RYR2: variants seen among roughly 807,000 people sequenced by gnomAD.
RYR2 encodes ryanodine receptor 2.
A neutral mutation model predicts 601.1 loss-of-function variants in RYR2; 227 were observed. That is an observed-to-expected ratio of 0.38 (90% CI 0.34 to 0.42). The LOEUF is 0.42. Among genes scored for constraint, RYR2 ranks in the 10% least tolerant of loss-of-function variants. RYR2 has a pLI of 1.00. For missense variants in RYR2, 4,646 were observed against 6,156.5 expected, an observed-to-expected ratio of 0.75 and a Z score of 8.21; for synonymous variants, 2,223 against 2,175.1, an observed-to-expected ratio of 1.02 and a Z score of -0.61.
At chr1:237,356,710 G>T (rs1489934167) in intron 4 of RYR2, among the ~76,000 whole-genome samples, 2 of 151,798 alleles carry the variant, frequency 1.3e-5, no homozygotes, top group Non-Finnish European at 2.9e-5. Context: ...TTATCTGTTA[G>T]GAAAAAATAA....
chr1:237,082,163 A>G (rs960176487), intron 1 of RYR2, among the ~76,000 whole-genome samples: 26 of 152,114 alleles, frequency 1.7e-4, no homozygotes, highest in African/African-American at 6.3e-4. Flanking sequence ...GACAGGTCCT[A>G]TTGTAAGCAG....
At position 237,043,502 on chromosome 1, in the gene RYR2, T is replaced by C. The variant is rs72764014; in HGVS notation, c.48+933T>C. Among the ~76,000 whole-genome samples the C allele has an allele frequency of 2.2e-3, 331 of 152,280 alleles. 1 individual carries two copies. Among genetic ancestry groups the C allele is most frequent in the South Asian group, 5.4e-3 (26 of 4,814 alleles). ...CTGCTCCTTCCTTTCTCTCATTTGT[T>C]CGAACACTGCAGATACTTCCCAGGC... On this transcript the variant is annotated intron_variant, in intron 1 of 104. Coordinates refer to ENST00000366574, the MANE Select transcript of RYR2 (RefSeq NM_001035.3).
chr1:237,719,437 C>T (rs765869664), intron 73 of RYR2, among the ~76,000 whole-genome samples: 11 of 152,046 alleles, frequency 7.2e-5, no homozygotes, highest in African/African-American at 1.2e-4. Flanking sequence ...GAAAGTATAA[C>T]ACGGGCATCT....
chr1:237,769,384 A>C (rs1432316434), intron 84 of RYR2, among the ~76,000 whole-genome samples: 1 of 152,168 alleles, frequency 6.6e-6, no homozygotes, highest in Non-Finnish European at 1.5e-5. Flanking sequence ...TCAGCCAATT[A>C]TGGGAGATTC....
intron 1 of RYR2, among the ~76,000 whole-genome samples, chr1:237,173,829 G>A (rs967089297): frequency 1.4e-5 from 2 of 143,356 alleles, no homozygotes. Context: ...GGCCGAGGCG[G>A]GCAGATCACG....
intron 94 of RYR2, 22 bp from the exon 95 acceptor site, chr1:237,793,845 C>T (rs1253286380): frequency 7.0e-6 from 11 of 1,564,094 alleles, no homozygotes; most frequent in Non-Finnish European, 9.6e-6. Flanking sequence ...CTAATTTTAA[C>T]GTATTTATTT....
At chr1:237,235,632 A>G (rs182999094) in intron 1 of RYR2, among the ~76,000 whole-genome samples, 3 of 152,324 alleles carry the variant, frequency 2.0e-5, no homozygotes, top group African/African-American at 4.8e-5. Flanking sequence ...GACAATTGCA[A>G]TTGCAATACT....
At chr1:237,639,239 C>T (rs771985165) in intron 46 of RYR2, 38 bp downstream of exon 46, 1 of 1,520,308 alleles carries the variant, frequency 6.6e-7, no homozygotes, top group Non-Finnish European at 8.9e-7. Flanking sequence ...GTGATCCATA[C>T]TACTTGATGT....
chr1:237,373,276 G>A (rs1700781175), intron 6 of RYR2, among the ~76,000 whole-genome samples: 1 of 152,176 alleles, frequency 6.6e-6, no homozygotes, highest in South Asian at 2.1e-4. Context: ...ATAACCTTGG[G>A]AGCCATTTCT....
In RYR2 at chr1:237,818,238, ATC is replaced by A. The variant is rs1662058101; in HGVS notation, c.14434-796_14434-795del. On this transcript the variant is annotated intron_variant, in intron 100 of 104. Transcript: ENST00000366574. The stretch of plus-strand genomic sequence containing the variant: ...CCCAGGACATTTGGTATCTGGAGAT[ATC>A]TGTTATTGTCACTATGAGGTAGGGT... Among the ~76,000 whole-genome samples, 3 of 152,168 alleles carry A rather than the reference ATC, an allele frequency of 2.0e-5. No individual in the cohort carries two copies. The South Asian group carries it at 6.2e-4, about 32-fold the overall frequency.
intron 34 of RYR2, among the ~76,000 whole-genome samples, chr1:237,598,975 A>G (rs915993523): frequency 1.3e-5 from 2 of 152,184 alleles, no homozygotes; most frequent in African/African-American, 4.8e-5. Context: ...ACAGAAATAC[A>G]AAGGATAATG....
rs556411963 is a variant in RYR2 at position 237,683,040 on chromosome 1, A to G, written c.9017+2463A>G. ...ATACTTTCGGAAAATGATCATGATA[A>G]AATATAAAATATATGCTCAAATAGT... On this transcript the variant is annotated intron_variant, in intron 62 of 104. Transcript: ENST00000366574. Among the ~76,000 whole-genome samples, 8 of 152,332 alleles carry G rather than the reference A, an allele frequency of 5.3e-5. No individual in the cohort carries two copies. The South Asian group carries it at 1.4e-3, about 28-fold the overall frequency.
chr1:237,404,029 G>A (rs1238652384), intron 10 of RYR2, among the ~76,000 whole-genome samples: 5 of 152,310 alleles, frequency 3.3e-5, no homozygotes, highest in African/African-American at 1.2e-4. Flanking sequence ...TCAGGTGGGT[G>A]GATTGCTCCA....
In RYR2 at chr1:237,604,186, A is replaced by G. The variant is rs554777813; in HGVS notation, c.4683+2075A>G. ...CATAGTTGGAAGTAAAGCACTCCTC[A>G]GCAAATGTAAAAGAACAGAAATTAT... On this transcript the variant is annotated intron_variant, in intron 35 of 104. Coordinates refer to ENST00000366574, the MANE Select transcript of RYR2 (RefSeq NM_001035.3). 8.4e-4 allele frequency among the ~76,000 whole-genome samples: 128 copies of G among 152,340 alleles called. 1 individual carries two copies. The highest frequency in any genetic ancestry group is 1.5e-3 in the Non-Finnish European group (100 of 68,048).
At chr1:237,795,854 A>ATGTG (rs1167847347) in intron 96 of RYR2, among the ~76,000 whole-genome samples, 2 of 125,118 alleles carry the variant, frequency 1.6e-5, no homozygotes, top group African/African-American at 6.9e-5. Flanking sequence ...ATATATGTAT[A>ATGTG]TGTATATATA....
chr1:237,787,020 ATATT>A (rs1391098234), intron 91 of RYR2, among the ~76,000 whole-genome samples: 1 of 152,172 alleles, frequency 6.6e-6, no homozygotes, highest in African/African-American at 2.4e-5. Flanking sequence ...TAGCTTATAT[ATATT>A]AATATTTCTG....
At chr1:237,256,557 T>G (rs574215101) in intron 1 of RYR2, among the ~76,000 whole-genome samples, 1 of 152,294 alleles carries the variant, frequency 6.6e-6, no homozygotes, top group African/African-American at 2.4e-5. Context: ...CTGCTGCTCC[T>G]CTTAATTATT....
chr1:237,172,837 C>G (rs894146212), intron 1 of RYR2, among the ~76,000 whole-genome samples: 6 of 152,128 alleles, frequency 3.9e-5, no homozygotes, highest in African/African-American at 1.2e-4. Flanking sequence ...GTTTTCCTGT[C>G]TCTGGAACAG....
At chr1:237,328,740 T>A (rs2149556918) in intron 2 of RYR2, among the ~76,000 whole-genome samples, 1 of 152,320 alleles carries the variant, frequency 6.6e-6, no homozygotes, top group African/African-American at 2.4e-5. Context: ...TAGTACTTGA[T>A]TTTTCCTTGT....
Sources: allele counts gnomAD v4.1 joint callset (sites outside exome capture counted in the v4.1 genomes callset), GRCh38; gene constraint gnomAD v4.1.1; transcripts MANE v1.5; gene names NCBI Gene and HGNC (gene_info 2026-07-23, HGNC 2026-07-21).